INPP4A: variants seen among roughly 807,000 people sequenced by gnomAD.
INPP4A encodes the protein inositol polyphosphate-4-phosphatase, type I, 107kD.
In INPP4A, 33 loss-of-function variants were observed where a neutral mutation model predicts 119.8. The ratio of observed to expected loss-of-function variants is 0.28; its 90% CI spans 0.21 to 0.37. INPP4A has a LOEUF of 0.37. Ranked by LOEUF, INPP4A falls within the 10% of genes least tolerant of loss-of-function variation. The pLI is 1.00. For synonymous variants in INPP4A, 496 were observed against 500.7 expected, an observed-to-expected ratio of 0.99 and a Z score of 0.12; for missense variants, 956 against 1,289.9, an observed-to-expected ratio of 0.74 and a Z score of 3.97.
chr2:98,494,160 T>A (rs2105286559), intron 1 of INPP4A, among the ~76,000 whole-genome samples: 1 of 152,254 alleles, frequency 6.6e-6, no homozygotes, highest in South Asian at 2.1e-4. Context: ...AAGACTGGGT[T>A]CCCTTTCCCC....
intron 1 of INPP4A, among the ~76,000 whole-genome samples, chr2:98,515,440 C>CG (rs1284599311): frequency 5.0e-5 from 2 of 40,030 alleles, no homozygotes; most frequent in Non-Finnish European, 9.6e-5. Flanking sequence ...TGGGGTAGGA[C>CG]GGGGGTGGGG....
At chr2:98,565,571 C>A in intron 19 of INPP4A, 69 bp from the exon 20 acceptor site, 1 of 1,518,942 alleles carries the variant, frequency 6.6e-7, no homozygotes, top group South Asian at 1.3e-5. Flanking sequence ...GGCTTGGCTG[C>A]CTTCTGCTGA....
chr2:98,543,830 G>A (rs1484159519), intron 10 of INPP4A, 47 bp from the exon 11 acceptor site: 1 of 1,608,554 alleles, frequency 6.2e-7, no homozygotes, highest in South Asian at 1.1e-5. Flanking sequence ...GCCTCTCTGG[G>A]GAAACCAGTT....
chr2:98,577,757 G>A lies in INPP4A; in HGVS notation c.2786+614G>A, dbSNP rs191602327. ...CAGGCGTGTTTGCAGAATGAAACCC[G>A]GAACTAAAAGTGTCTACTGTTGATC... is the stretch of plus-strand genomic sequence containing the variant. On this transcript the variant is annotated intron_variant, in intron 24 of 24. Transcript: ENST00000409851. Among the ~76,000 whole-genome samples, 284 of 152,292 alleles carry A rather than the reference G, an allele frequency of 1.9e-3. 1 individual carries two copies. Among genetic ancestry groups the A allele is most frequent in the Non-Finnish European group, 3.4e-3 (230 of 68,010 alleles).
intron 1 of INPP4A, among the ~76,000 whole-genome samples, chr2:98,499,743 A>G (rs1682736185): frequency 6.6e-6 from 1 of 152,204 alleles, no homozygotes; most frequent in Admixed American, 6.5e-5. Context: ...GAGTTCCTAT[A>G]TGTCTCTTAT....
chr2:98,536,409 G>A (rs1219737628), intron 7 of INPP4A, among the ~76,000 whole-genome samples: 1 of 152,136 alleles, frequency 6.6e-6, no homozygotes, highest in Admixed American at 6.5e-5. Flanking sequence ...ATCCATAGGA[G>A]ATATGAGCAC....
chr2:98,558,306 G>A (rs1310958757), intron 16 of INPP4A, among the ~76,000 whole-genome samples: 1 of 152,090 alleles, frequency 6.6e-6, no homozygotes, highest in Non-Finnish European at 1.5e-5. Flanking sequence ...CTAGAAGAGG[G>A]GTTATGGGGA....
chr2:98,581,241 C>T (rs1699259580), intron 24 of INPP4A, among the ~76,000 whole-genome samples: 1 of 152,198 alleles, frequency 6.6e-6, no homozygotes, highest in South Asian at 2.1e-4. Flanking sequence ...TGTGCTTGGC[C>T]AGCCGAGAGA....
At chr2:98,547,816 G>A (rs139015234) in intron 13 of INPP4A, among the ~76,000 whole-genome samples, 1 of 152,080 alleles carries the variant, frequency 6.6e-6, no homozygotes, top group African/African-American at 2.4e-5. Context: ...GAGGTGGGAA[G>A]GAACAAGCAG....
chr2:98,489,398 G>T (rs772634506), intron 1 of INPP4A, among the ~76,000 whole-genome samples: 1 of 152,174 alleles, frequency 6.6e-6, no homozygotes, highest in Non-Finnish European at 1.5e-5. Flanking sequence ...CAAGGCTGCA[G>T]AGTGGAGGGA....
At chr2:98,487,953 G>C (rs545050219) in intron 1 of INPP4A, among the ~76,000 whole-genome samples, 3 of 152,130 alleles carry the variant, frequency 2.0e-5, no homozygotes, top group Non-Finnish European at 4.4e-5. Context: ...GCAGTGTTAC[G>C]TGCCCAGGGT....
chr2:98,445,609 C>T (rs1311940338), intron 1 of INPP4A, among the ~76,000 whole-genome samples: 2 of 152,188 alleles, frequency 1.3e-5, no homozygotes, highest in Non-Finnish European at 2.9e-5. Context: ...TTAATTGAGG[C>T]CTGAGAAATG....
chr2:98,502,348 G>A (rs1443997168), intron 1 of INPP4A, among the ~76,000 whole-genome samples: 2 of 151,604 alleles, frequency 1.3e-5, no homozygotes, highest in Non-Finnish European at 2.9e-5. Context: ...TTTTCTATAG[G>A]TTTCTTCCAG....
intron 11 of INPP4A, 138 bp downstream of exon 11, chr2:98,544,145 A>C: frequency 1.4e-6 from 1 of 706,098 alleles, no homozygotes; most frequent in Non-Finnish European, 2.2e-6. Flanking sequence ...TCCCACTGAC[A>C]GACACTTTAA....
At chr2:98,521,054 A>C in intron 4 of INPP4A, 2 of 244,958 alleles carry the variant, frequency 8.2e-6, no homozygotes, top group African/African-American at 4.5e-5. Flanking sequence ...CCCCACCCCA[A>C]TGGGGGAAAG....
intron 1 of INPP4A, among the ~76,000 whole-genome samples, chr2:98,476,458 C>T (rs754619877): frequency 5.3e-5 from 8 of 152,220 alleles, no homozygotes; most frequent in Non-Finnish European, 1.0e-4. Context: ...GTGGGCCCCT[C>T]GCTCTGGGGA....
At position 98,491,289 on chromosome 2, in the gene INPP4A, C is replaced by A. The variant is rs112648500; in HGVS notation, c.-165-27675C>A. Among the ~76,000 whole-genome samples the A allele has an allele frequency of 3.8e-3, 574 of 152,298 alleles. 7 individuals carry two copies. Among genetic ancestry groups the A allele is most frequent in the African/African-American group, 0.013 (555 of 41,550 alleles). On this transcript the variant is annotated intron_variant, in intron 1 of 24. Transcript: ENST00000409851. ...CCCTGAAAGCATGCTGCTCCCTGAC[C>A]CGAGGGTCTCATGAGCAGCCATCCT...
chr2:98,490,361 A>G (rs774765498), intron 1 of INPP4A, among the ~76,000 whole-genome samples: 1 of 151,634 alleles, frequency 6.6e-6, no homozygotes, highest in Non-Finnish European at 1.5e-5. Flanking sequence ...AGAGGAGGAG[A>G]AGGTGGTTTC....
intron 1 of INPP4A, among the ~76,000 whole-genome samples, chr2:98,511,671 T>C (rs746913475): frequency 1.2e-4 from 18 of 152,108 alleles, no homozygotes; most frequent in Non-Finnish European, 2.5e-4. Context: ...ACTCCTCTGA[T>C]TGGGAGACTC....
Sources: gnomAD v4.1 joint callset for allele counts (sites outside exome capture counted in the v4.1 genomes callset) on GRCh38, gnomAD v4.1.1 for gene constraint, MANE v1.5 for transcripts, NCBI Gene and HGNC (gene_info 2026-07-23, HGNC 2026-07-21) for gene names.